MAP3K20: variants seen among roughly 807,000 people sequenced by gnomAD.
The protein encoded by MAP3K20 is mitogen-activated protein kinase kinase kinase 20.
A neutral mutation model predicts 85.7 loss-of-function variants in MAP3K20; 40 were observed. That is an observed-to-expected ratio of 0.47 (90% confidence interval 0.36 to 0.61). The LOEUF (loss-of-function observed/expected upper bound fraction) is 0.61. MAP3K20 is among the 20% of genes least tolerant of loss of function. The pLI, the probability that MAP3K20 is intolerant of heterozygous loss-of-function variation, is 0.00. For missense variants in MAP3K20, 817 were observed against 961.7 expected, an observed-to-expected ratio of 0.85 and a Z score of 1.99; for synonymous variants, 325 against 327.7, an observed-to-expected ratio of 0.99 and a Z score of 0.09.
chr2:173,182,707 T>C (rs1690365524), intron 3 of MAP3K20, 147 bp from the exon 4 acceptor site: 1 of 552,888 alleles, frequency 1.8e-6, no homozygotes, highest in Non-Finnish European at 2.9e-6. Context: ...CATTAACTTT[T>C]AGAAACCACA....
chr2:173,265,025 A>G (rs950648943), intron 19 of MAP3K20, among the ~76,000 whole-genome samples: 2 of 149,002 alleles, frequency 1.3e-5, no homozygotes, highest in Non-Finnish European at 3.0e-5. Flanking sequence ...ACCACAATAA[A>G]ATACACACAT....
chr2:173,150,825 G>C (rs1301965837), intron 2 of MAP3K20, among the ~76,000 whole-genome samples: 1 of 152,130 alleles, frequency 6.6e-6, no homozygotes, highest in East Asian at 1.9e-4. Context: ...ACCTCCCAAA[G>C]TGCTGAGATT....
At chr2:173,265,916 A>G (rs886528753) in intron 19 of MAP3K20, 134 bp from the exon 20 acceptor site, 1 of 873,006 alleles carries the variant, frequency 1.1e-6, no homozygotes, top group South Asian at 1.8e-5. Context: ...GTCCTTATAC[A>G]TAGCCTAGAA....
At chr2:173,157,780 T>C (rs1689520771) in intron 2 of MAP3K20, among the ~76,000 whole-genome samples, 1 of 152,216 alleles carries the variant, frequency 6.6e-6, no homozygotes, top group African/African-American at 2.4e-5. Context: ...CTAGTGCCTG[T>C]AGGGAGTTAG....
At chr2:173,121,344 G>A (rs990776524) in intron 2 of MAP3K20, among the ~76,000 whole-genome samples, 8 of 152,158 alleles carry the variant, frequency 5.3e-5, no homozygotes, top group African/African-American at 1.7e-4. Flanking sequence ...ATTCCGTGAG[G>A]CAACTGATGA....
rs199561536 is a variant in MAP3K20 at position 173,195,185 on chromosome 2, C to CT, written c.583-2838dup. Reference sequence around the variant, plus strand: ...TCTGAGAACACAAGGCCTAGCCTCTCTTTAAAAAAAAAAAAAAAAAAAAAG... The same window carrying CT: ...TCTGAGAACACAAGGCCTAGCCTCTCTTTTAAAAAAAAAAAAAAAAAAAAAG... On this transcript the variant is annotated intron_variant, in intron 7 of 19. Transcript: ENST00000375213. Among the ~76,000 whole-genome samples, 330 of 106,110 alleles carry CT rather than the reference C, an allele frequency of 3.1e-3. 1 individual carries two copies. The highest frequency in any genetic ancestry group is 6.4e-3 in the African/African-American group (191 of 29,974). 69.6% of individuals were successfully genotyped at this position (106,110 alleles called of 152,430 possible).
In MAP3K20 at chr2:173,210,514, G is replaced by A. The variant is rs563515886; in HGVS notation, c.851+679G>A. The A allele has an allele frequency of 3.9e-5, 6 of 152,210 alleles. 1 individual carries two copies. The South Asian group carries it at 1.0e-3, about 26-fold the overall frequency. The allele number at this position is 152,210 out of a possible 1,614,324, so 9.4% of individuals were successfully genotyped here. A position where few individuals can be genotyped will look rare whatever the true frequency, so the allele number is the denominator to read the frequency against. ...GAGCACTGTGTCTGCTAGTGAAGGG[G>A]GATAGGGAGACATCAAAAATACTCT... On this transcript the variant is annotated intron_variant, in intron 10 of 19. Coordinates refer to ENST00000375213, the MANE Select transcript of MAP3K20 (RefSeq NM_016653.3).
At chr2:173,084,039 A>G (rs1481225200) in intron 1 of MAP3K20, among the ~76,000 whole-genome samples, 2 of 152,174 alleles carry the variant, frequency 1.3e-5, no homozygotes, top group African/African-American at 4.8e-5. Flanking sequence ...ACATCCAGAG[A>G]AAGTTCAAAG....
At chr2:173,225,599 A>AAAAAAAAAAAC (rs1684362595) in intron 11 of MAP3K20, 1 of 962,356 alleles carries the variant, frequency 1.0e-6, no homozygotes, top group African/African-American at 2.1e-5. Context: ...ATCTCAAAAA[A>AAAAAAAAAAAC]AAAAAAAAAC....
chr2:173,237,762 GTT>G (rs1684688749), intron 14 of MAP3K20, among the ~76,000 whole-genome samples: 1 of 152,190 alleles, frequency 6.6e-6, no homozygotes, highest in Non-Finnish European at 1.5e-5. Context: ...TTTGCTCACT[GTT>G]ATTCAGAGTG....
At position 173,244,865 on chromosome 2, in the gene MAP3K20, C is replaced by T. The variant is rs896599578; in HGVS notation, c.1359+5369C>T. On this transcript the variant is annotated intron_variant, in intron 16 of 19. Transcript: ENST00000375213. The stretch of plus-strand genomic sequence containing the variant: ...CCAATTAACCAAGTTCTCAGAAACC[C>T]TCTTCATGGGAAAGGTGAAGCCTTT... 7.9e-5 allele frequency among the ~76,000 whole-genome samples: 12 copies of T among 152,288 alleles called. No homozygotes were observed. The South Asian group carries it at 2.3e-3, about 29-fold the overall frequency.
intron 11 of MAP3K20, among the ~76,000 whole-genome samples, chr2:173,227,631 C>A (rs1574137296): frequency 6.6e-6 from 1 of 152,338 alleles, no homozygotes; most frequent in African/African-American, 2.4e-5. Flanking sequence ...ACCCCCTCTC[C>A]TTTCAACATT....
At chr2:173,252,747 C>T (rs915969128) in intron 16 of MAP3K20, among the ~76,000 whole-genome samples, 1 of 152,222 alleles carries the variant, frequency 6.6e-6, no homozygotes. Context: ...TGCCCCACCA[C>T]TTGCTACCTG....
rs772898801 is a variant in MAP3K20 at position 173,217,195 on chromosome 2, G to A, written c.932G>A (p.Arg311Gln). 1.4e-5 allele frequency: 22 copies of A among 1,606,608 alleles called. No individual in the cohort carries two copies. Among genetic ancestry groups the A allele is most frequent in the Non-Finnish European group, 1.6e-5 (19 of 1,176,130 alleles). Residue 311 changes from arginine (R) to glutamine (Q), a missense_variant, in exon 11 of 20, where the codon CGA becomes CAA. Arg to Gln is a conservative substitution (Grantham distance 43, BLOSUM62 1). Transcript: ENST00000375213. The stretch of plus-strand genomic sequence containing the variant: ...TTTAAGGAGCAGGAGCTTAAAGAAC[G>A]AGAAAGACGTTTAAAGATGTGGGAG... The part of the protein sequence containing the change: ...LSFKEQELKE[R>Q]ERRLKMWEQK...
At chr2:173,243,052 C>G (rs557848713) in intron 16 of MAP3K20, among the ~76,000 whole-genome samples, 1 of 152,164 alleles carries the variant, frequency 6.6e-6, no homozygotes, top group East Asian at 1.9e-4. Context: ...TACTGAGGAC[C>G]TACTTTGTGC....
chr2:173,077,849 A>G (rs577082881), intron 1 of MAP3K20, among the ~76,000 whole-genome samples: 2 of 152,362 alleles, frequency 1.3e-5, no homozygotes, highest in South Asian at 4.1e-4. Context: ...ATGGTCAAAG[A>G]TCTTGGGAAC....
chr2:173,110,225 ATATATATATATATATATTTTTTTTTTTTT>A lies in MAP3K20; in HGVS notation c.159+19037_159+19065del, dbSNP rs1287355725. ...CATATATATATATATATATATATAT[ATATATATATATATATATTTTTTTTTTTTT>A]TTTTTTTTTTTTTTTTTGAGACAGG... On this transcript the variant is annotated intron_variant, in intron 2 of 19. Coordinates refer to ENST00000375213, the MANE Select transcript of MAP3K20 (RefSeq NM_016653.3). Among the ~76,000 whole-genome samples the A allele has an allele frequency of 1.5e-3, 15 of 10,190 alleles. 1 individual carries two copies. Among genetic ancestry groups the A allele is most frequent in the South Asian group, 9.7e-3 (3 of 308 alleles). The allele number at this position is 10,190 out of a possible 152,430, so 6.7% of individuals were successfully genotyped here.
chr2:173,257,262 A>G (rs775608744), intron 16 of MAP3K20, among the ~76,000 whole-genome samples: 14 of 152,210 alleles, frequency 9.2e-5, no homozygotes, highest in South Asian at 4.1e-4. Context: ...GCATGCACCT[A>G]TGTAACCCAA....
intron 2 of MAP3K20, among the ~76,000 whole-genome samples, chr2:173,137,595 CCT>C (rs1295282481): frequency 1.3e-5 from 2 of 151,752 alleles, no homozygotes; most frequent in Non-Finnish European, 2.9e-5. Context: ...CTTTTCTCTC[CCT>C]CTCTTTTTTT....
Sources: gnomAD v4.1 joint callset for allele counts (sites outside exome capture counted in the v4.1 genomes callset) on GRCh38, gnomAD v4.1.1 for gene constraint, MANE v1.5 for transcripts, NCBI Gene and HGNC (gene_info 2026-07-23, HGNC 2026-07-21) for gene names.